Variants in NRG3 observed in about 807,000 individuals in gnomAD.
The protein encoded by NRG3 is pro-neuregulin-3, membrane-bound isoform.
In NRG3, 31 loss-of-function variants were observed where a neutral mutation model predicts 66.9. The observed-to-expected ratio is 0.46, with a 90% CI of 0.35 to 0.63. The LOEUF is 0.63. Ranked by LOEUF, NRG3 falls within the 20% of genes least tolerant of loss-of-function variation. The pLI is 0.00. For missense variants in NRG3, 910 were observed against 878.9 expected (o/e 1.04, Z -0.45); for synonymous variants, 393 against 359.4 (o/e 1.09, Z -1.06).
chr10:82,145,715 C>T (rs945363950), intron 1 of NRG3, among the ~76,000 whole-genome samples: 1 of 152,144 alleles, frequency 6.6e-6, no homozygotes, highest in South Asian at 2.1e-4. Flanking sequence ...AATAATTTGG[C>T]ATGTTCAGTA....
chr10:82,456,127 T>G (rs2136651057), intron 2 of NRG3, among the ~76,000 whole-genome samples: 1 of 146,046 alleles, frequency 6.8e-6, no homozygotes, highest in Admixed American at 7.4e-5. Context: ...TTTAAAATAT[T>G]TTTCTGTCAC....
chr10:82,335,779 T>A lies in NRG3; in HGVS notation c.824-22960T>A, dbSNP rs554019759. Among the ~76,000 whole-genome samples the A allele has an allele frequency of 5.3e-5, 8 of 152,360 alleles. No homozygotes were observed. In the South Asian group the frequency reaches 1.7e-3, roughly 32 times the overall value. On this transcript the variant is annotated intron_variant, in intron 1 of 8. Transcript: ENST00000372141. ...CAATACCCTAGTGGTTAATTTGTGG[T>A]TAGACATCTTCTACATATATTTTTT...
intron 1 of NRG3, among the ~76,000 whole-genome samples, chr10:82,204,740 A>G (rs1764072): frequency 0.17 from 26,145 of 152,106 alleles, 2,689 homozygotes; most frequent in East Asian, 0.39. Context: ...TCTCTTCTCA[A>G]TTTCTCAACT....
chr10:82,926,543 C>A (rs1847015923), intron 4 of NRG3, among the ~76,000 whole-genome samples: 1 of 152,202 alleles, frequency 6.6e-6, no homozygotes, highest in African/African-American at 2.4e-5. Context: ...TAAGTCATTC[C>A]ATTTTCCTTT....
intron 4 of NRG3, among the ~76,000 whole-genome samples, chr10:82,869,694 G>A (rs985001565): frequency 4.0e-5 from 6 of 151,252 alleles, no homozygotes; most frequent in South Asian, 2.1e-4. Context: ...TGCAAGCTCC[G>A]CCTCAGGGGT....
Position 82,358,790 on chromosome 10 carries a change from A to G in NRG3, c.875A>G (p.Asp292Gly). The change falls in exon 2 of 9, where the codon GAC (aspartate) becomes GGC (glycine). Residue 292 changes from aspartate to glycine, a missense_variant. Transcript: ENST00000372141. The part of the protein sequence containing the change: ...ERSEHFKPCR[D>G]KDLAYCLNDG... The stretch of plus-strand genomic sequence containing the variant: ...TCCGAGCACTTCAAACCCTGCCGAG[A>G]CAAGGACCTTGCATACTGTCTCAAT... 6.2e-7 allele frequency: 1 copy of G among 1,614,198 alleles called. No homozygotes were observed. The highest frequency in any genetic ancestry group is 8.5e-7 in the Non-Finnish European group (1 of 1,180,038).
At chr10:82,919,139 G>A (rs1381327452) in intron 4 of NRG3, among the ~76,000 whole-genome samples, 1 of 151,314 alleles carries the variant, frequency 6.6e-6, no homozygotes, top group Non-Finnish European at 1.5e-5. Context: ...AAATGAAAAA[G>A]TCATCTCCAT....
At chr10:82,053,319 G>C (rs930099197) in intron 1 of NRG3, among the ~76,000 whole-genome samples, 4 of 152,030 alleles carry the variant, frequency 2.6e-5, no homozygotes, top group African/African-American at 9.7e-5. Flanking sequence ...GATGAGGGTT[G>C]GATTGTGGGA....
At chr10:82,764,431 G>A (rs1465471318) in intron 3 of NRG3, among the ~76,000 whole-genome samples, 3 of 149,952 alleles carry the variant, frequency 2.0e-5, no homozygotes, top group African/African-American at 7.4e-5. Context: ...AAGTGCAGTG[G>A]TGCAATCTCG....
In NRG3 at chr10:81,911,603, G is replaced by GTT. The variant is rs796518872; in HGVS notation, c.823+35465_823+35466dup. On this transcript the variant is annotated intron_variant, in intron 1 of 8. Coordinates refer to ENST00000372141, the MANE Select transcript of NRG3 (RefSeq NM_001010848.4). ...TGTCTTCACCCTCTAGCACAGACTT[G>GTT]TTTTTTTTTTTTTTTTTTTTTTTTT... Among the ~76,000 whole-genome samples, 462 of 77,944 alleles carry GTT rather than the reference G, an allele frequency of 5.9e-3. 40 individuals are homozygous for GTT. Among genetic ancestry groups the GTT allele is most frequent in the African/African-American group, 0.015 (330 of 21,970 alleles). The allele number at this position is 77,944 out of a possible 152,430, so 51.1% of individuals were successfully genotyped here.
At chr10:82,703,585 C>T (rs2056063190) in intron 2 of NRG3, among the ~76,000 whole-genome samples, 1 of 152,054 alleles carries the variant, frequency 6.6e-6, no homozygotes, top group Non-Finnish European at 1.5e-5. Context: ...TCAACAGGCA[C>T]CCTTTTATGG....
chr10:82,133,951 G>A (rs1590235674), intron 1 of NRG3, among the ~76,000 whole-genome samples: 1 of 152,202 alleles, frequency 6.6e-6, no homozygotes, highest in Non-Finnish European at 1.5e-5. Context: ...TTAAATAATG[G>A]CCATTCTGAC....
intron 1 of NRG3, among the ~76,000 whole-genome samples, chr10:82,309,148 C>G (rs547427758): frequency 6.6e-6 from 1 of 152,288 alleles, no homozygotes; most frequent in African/African-American, 2.4e-5. Flanking sequence ...TCCTAAGATC[C>G]CGTCAAGCTC....
chr10:81,959,463 GA>G (rs200952342), intron 1 of NRG3, among the ~76,000 whole-genome samples: 32 of 148,996 alleles, frequency 2.1e-4, no homozygotes, highest in African/African-American at 4.4e-4. Flanking sequence ...ATTCTCTTCA[GA>G]AAAAAAAAAT....
intron 1 of NRG3, among the ~76,000 whole-genome samples, chr10:82,317,152 G>T (rs924124343): frequency 6.6e-6 from 1 of 151,740 alleles, no homozygotes; most frequent in Non-Finnish European, 1.5e-5. Flanking sequence ...TCCCTCAAGT[G>T]AGATTACAGA....
intron 2 of NRG3, among the ~76,000 whole-genome samples, chr10:82,570,743 T>C (rs1205538511): frequency 6.6e-6 from 1 of 151,690 alleles, no homozygotes; most frequent in Admixed American, 6.6e-5. Context: ...TGGTTTGATA[T>C]ATAGGGCTTG....
chr10:82,331,087 T>C (rs1009919035), intron 1 of NRG3, among the ~76,000 whole-genome samples: 1 of 152,218 alleles, frequency 6.6e-6, no homozygotes, highest in African/African-American at 2.4e-5. Context: ...ACTACTGACC[T>C]GAGGACTCAG....
intron 2 of NRG3, among the ~76,000 whole-genome samples, chr10:82,461,170 TATC>T (rs886680588): frequency 6.0e-5 from 9 of 151,220 alleles, no homozygotes; most frequent in Admixed American, 1.3e-4. Flanking sequence ...TCACCACCAC[TATC>T]ATCAACACCA....
chr10:81,939,732 G>C (rs139186387), intron 1 of NRG3, among the ~76,000 whole-genome samples: 4 of 141,570 alleles, frequency 2.8e-5, no homozygotes, highest in Non-Finnish European at 6.2e-5. Context: ...TCTTACTCTT[G>C]TTGATTTTTT....
Sources: allele counts gnomAD v4.1 joint callset (sites outside exome capture counted in the v4.1 genomes callset), GRCh38; gene constraint gnomAD v4.1.1; transcripts MANE v1.5; gene names NCBI Gene and HGNC (gene_info 2026-07-23, HGNC 2026-07-21).